The following FOXP1 variants were observed in gnomAD, a reference collection of about 807,000 sequenced individuals.
FOXP1 encodes forkhead box P1, also known as forkhead box protein P1.
Under a neutral mutation model 98.2 loss-of-function variants are expected in FOXP1, and 15 were observed. That is an observed-to-expected ratio of 0.15 (90% CI 0.10 to 0.24). The LOEUF (loss-of-function observed/expected upper bound fraction) is 0.24. FOXP1 is among the 10% of genes least tolerant of loss of function. The pLI, the probability that FOXP1 is intolerant of heterozygous loss-of-function variation, is 1.00. For synonymous variants in FOXP1, 371 were observed against 314.5 expected (o/e 1.18, Z -1.90); for missense variants, 633 against 848.5 (o/e 0.75, Z 3.15).
At chr3:71,437,881 A>G (rs1281391905) in intron 3 of FOXP1, among the ~76,000 whole-genome samples, 1 of 152,222 alleles carries the variant, frequency 6.6e-6, no homozygotes, top group Non-Finnish European at 1.5e-5. Flanking sequence ...AGACAAAAAG[A>G]AAAGCTTGGT....
intron 7 of FOXP1, among the ~76,000 whole-genome samples, 182 bp downstream of exon 7, chr3:71,112,354 A>G (rs547492060): frequency 9.2e-5 from 14 of 152,304 alleles, no homozygotes; most frequent in African/African-American, 2.9e-4. Context: ...TCCTGACAAT[A>G]AAACTTTTGG....
chr3:71,194,469 A>G (rs1576321210), intron 6 of FOXP1, among the ~76,000 whole-genome samples: 1 of 152,172 alleles, frequency 6.6e-6, no homozygotes, highest in East Asian at 1.9e-4. Context: ...GCTTATCTGA[A>G]AAAGCTCTCA....
chr3:71,346,000 G>A (rs1004707268), intron 4 of FOXP1, among the ~76,000 whole-genome samples: 1 of 150,674 alleles, frequency 6.6e-6, no homozygotes, highest in Non-Finnish European at 1.5e-5. Flanking sequence ...AGAGAGAGCC[G>A]AAGAAAAACT....
intron 3 of FOXP1, among the ~76,000 whole-genome samples, chr3:71,491,502 A>G (rs968175049): frequency 6.6e-6 from 1 of 152,222 alleles, no homozygotes; most frequent in African/African-American, 2.4e-5. Flanking sequence ...TCATGACTCC[A>G]TTAACCATTT....
intron 5 of FOXP1, among the ~76,000 whole-genome samples, chr3:71,246,563 T>C (rs1481717741): frequency 6.6e-6 from 1 of 152,192 alleles, no homozygotes; most frequent in African/African-American, 2.4e-5. Flanking sequence ...CTGCAACTCA[T>C]GTTTTATTAA....
Position 71,204,632 on chromosome 3 carries a change from C to T in FOXP1, c.-11-6240G>A, listed in dbSNP as rs561764756. ...AGCAGGTGGCAATGAGGAGATGAGG[C>T]ACTGACTGGTGGAGGGGATGACAAA... On this transcript the variant is annotated intron_variant, in intron 5 of 20. Coordinates refer to ENST00000649528, the MANE Select transcript of FOXP1 (RefSeq NM_001349338.3). Among the ~76,000 whole-genome samples the T allele has an allele frequency of 3.9e-5, 6 of 152,234 alleles. No homozygotes were observed. The East Asian group carries it at 1.2e-3, about 29-fold the overall frequency.
At chr3:70,967,690 T>TTTTTTTTTTG (rs1285302454) in intron 19 of FOXP1, among the ~76,000 whole-genome samples, 3 of 128,074 alleles carry the variant, frequency 2.3e-5, no homozygotes, top group African/African-American at 6.9e-5. Context: ...ATTATTTGTT[T>TTTTTTTTTTG]TTTTTTTTTG....
intron 3 of FOXP1, among the ~76,000 whole-genome samples, chr3:71,453,336 T>A (rs1246609912): frequency 6.6e-6 from 1 of 152,172 alleles, no homozygotes; most frequent in African/African-American, 2.4e-5. Flanking sequence ...CATTTCATAA[T>A]GTCTACTAGG....
chr3:70,972,503 C>T (rs2036480285), intron 18 of FOXP1, 52 bp downstream of exon 18: 1 of 1,612,860 alleles, frequency 6.2e-7, no homozygotes, highest in African/African-American at 1.3e-5. Flanking sequence ...CTACGTTATA[C>T]TTGTTAGCAC....
At chr3:71,194,215 GCT>G (rs2063165727) in intron 6 of FOXP1, among the ~76,000 whole-genome samples, 1 of 147,280 alleles carries the variant, frequency 6.8e-6, no homozygotes, top group Non-Finnish European at 1.5e-5. Context: ...AGCAACCAAA[GCT>G]CTCTCTATAC....
chr3:70,970,927 C>T, intron 18 of FOXP1, 122 bp from the exon 19 acceptor site: 1 of 769,606 alleles, frequency 1.3e-6, no homozygotes, highest in Non-Finnish European at 2.3e-6. Flanking sequence ...CTAGCAAAAC[C>T]CAAGAAAAGT....
In FOXP1 at chr3:71,299,327, C is replaced by T. The variant is rs573794725; in HGVS notation, c.-12+493G>A. Among the ~76,000 whole-genome samples, 22 of 152,316 alleles carry T rather than the reference C, an allele frequency of 1.4e-4. No homozygotes were observed. In the South Asian group the frequency reaches 4.4e-3, roughly 30 times the overall value. ...CATTACAGGGATATGCCCCACACTG[C>T]TCAGCAGTTACATCAATGTGGCGTG... On this transcript the variant is annotated intron_variant, in intron 5 of 20. Transcript: ENST00000649528.
intron 3 of FOXP1, among the ~76,000 whole-genome samples, chr3:71,442,672 G>GT (rs943886669): frequency 1.3e-5 from 2 of 151,844 alleles, no homozygotes; most frequent in Non-Finnish European, 2.9e-5. Context: ...TTTTGTTTTT[G>GT]TTTTTTTGAC....
intron 2 of FOXP1, among the ~76,000 whole-genome samples, chr3:71,509,654 G>A (rs188843277): frequency 6.6e-6 from 1 of 152,260 alleles, no homozygotes; most frequent in African/African-American, 2.4e-5. Flanking sequence ...GGCTCAGATG[G>A]GAGAATTGCT....
At chr3:71,519,225 G>A (rs1259300749) in intron 2 of FOXP1, among the ~76,000 whole-genome samples, 1 of 152,188 alleles carries the variant, frequency 6.6e-6, no homozygotes, top group Non-Finnish European at 1.5e-5. Flanking sequence ...CAGCCTGGGT[G>A]GTAGAGGGAG....
At chr3:71,224,742 T>C (rs1344858163) in intron 5 of FOXP1, among the ~76,000 whole-genome samples, 1 of 152,210 alleles carries the variant, frequency 6.6e-6, no homozygotes, top group East Asian at 1.9e-4. Flanking sequence ...AGTGGTTCTA[T>C]GTGAGTTGCC....
chr3:71,197,068 C>T (rs2063344604), intron 6 of FOXP1, among the ~76,000 whole-genome samples: 1 of 152,186 alleles, frequency 6.6e-6, no homozygotes, highest in Non-Finnish European at 1.5e-5. Flanking sequence ...GAAAATAAAA[C>T]ATGCTTTATA....
intron 7 of FOXP1, among the ~76,000 whole-genome samples, chr3:71,082,117 A>G (rs1215997334): frequency 6.6e-6 from 1 of 151,922 alleles, no homozygotes; most frequent in East Asian, 1.9e-4. Flanking sequence ...CATCTCTACT[A>G]AAAATACAAA....
Position 70,977,895 on chromosome 3 carries a change from G to A in FOXP1, c.1281C>T (p.Thr427=), listed in dbSNP as rs1274759613. The change falls in exon 15 of 21, where the codon ACC becomes ACT. Residue 427 remains threonine (T), a synonymous_variant. Coordinates refer to ENST00000649528, the MANE Select transcript of FOXP1 (RefSeq NM_001349338.3). ...GGATGGGTCCCACCGTGTGCATGCT[G>A]GTGGTTGTGATGACAGAGGGGCCTT... ...VTQGPSVITT[T]SMHTVGPIRR... The A allele has an allele frequency of 6.2e-7, 1 of 1,614,088 alleles. No individual in the cohort carries two copies. Among genetic ancestry groups the A allele is most frequent in the Non-Finnish European group, 8.5e-7 (1 of 1,180,044 alleles).
Sources: gnomAD v4.1 joint callset for allele counts (sites outside exome capture counted in the v4.1 genomes callset) on GRCh38, gnomAD v4.1.1 for gene constraint, MANE v1.5 for transcripts, NCBI Gene and HGNC (gene_info 2026-07-23, HGNC 2026-07-21) for gene names.